SCNN1A: variants seen among roughly 807,000 people sequenced by gnomAD.
SCNN1A encodes sodium channel epithelial 1 subunit alpha, also known as epithelial sodium channel subunit alpha.
A neutral mutation model predicts 68.6 loss-of-function variants in SCNN1A; 65 were observed. The ratio of observed to expected loss-of-function variants is 0.95; its 90% CI spans 0.78 to 1.16. SCNN1A has a LOEUF of 1.16. Ranked by LOEUF, SCNN1A falls within the 50% of genes most tolerant of loss-of-function variation. SCNN1A has a pLI of 0.00. For missense variants in SCNN1A, 880 were observed against 865.9 expected (o/e 1.02, Z -0.20); for synonymous variants, 357 against 353.3 (o/e 1.01, Z -0.12).
Position 6,363,578 on chromosome 12 carries a change from A to C in SCNN1A, c.549T>G (p.Thr183=). 1 of 1,611,710 alleles carries C rather than the reference A, an allele frequency of 6.2e-7. No individual in the cohort carries two copies. Among genetic ancestry groups the C allele is most frequent in the African/African-American group, 1.3e-5 (1 of 74,982 alleles). Residue 183 remains threonine, a synonymous_variant, in exon 3 of 13, where the codon ACT becomes ACG. Coordinates refer to ENST00000228916, the MANE Select transcript of SCNN1A (RefSeq NM_001038.6). ...TCAGGCGCTGCAAGGGGTGCGGCAGAGTCCCCCGCAGGTCGCGACGGCTGC... is the reference window on the plus strand; with the variant it reads ...TCAGGCGCTGCAAGGGGTGCGGCAGCGTCCCCCGCAGGTCGCGACGGCTGC... ...GSRSRRDLRG[T]LPHPLQRLRV...
At chr12:6,349,508 C>T (rs1948334626) in intron 8 of SCNN1A, 103 bp from the exon 9 acceptor site, 1 of 778,582 alleles carries the variant, frequency 1.3e-6, no homozygotes, top group South Asian at 1.5e-5. Flanking sequence ...TTTACAAGAG[C>T]ATTATTTAGC....
intron 2 of SCNN1A, among the ~76,000 whole-genome samples, chr12:6,368,568 T>C (rs1164438686): frequency 5.3e-5 from 8 of 152,278 alleles, no homozygotes; most frequent in African/African-American, 1.9e-4. Flanking sequence ...TAACACAGTA[T>C]ACCGTTAGCC....
intron 4 of SCNN1A, among the ~76,000 whole-genome samples, chr12:6,357,501 G>A (rs572189517): frequency 1.3e-5 from 2 of 152,096 alleles, no homozygotes; most frequent in South Asian, 4.1e-4. Flanking sequence ...TTGAACTTGG[G>A]AGGTTGCAGT....
chr12:6,348,833 T>G (rs374041067), intron 11 of SCNN1A, 31 bp from the exon 12 acceptor site: 1 of 1,608,850 alleles, frequency 6.2e-7, no homozygotes, highest in South Asian at 1.1e-5. Flanking sequence ...TGGGAAGAAA[T>G]GGTAGAGGAT....
intron 3 of SCNN1A, 37 bp downstream of exon 3, chr12:6,363,406 A>AG: frequency 6.8e-7 from 1 of 1,478,720 alleles, no homozygotes; most frequent in Non-Finnish European, 9.0e-7. Context: ...GGGGCCGGCG[A>AG]GGGGCGGGGC....
chr12:6,375,091 C>A (rs1304482778), intron 1 of SCNN1A: 17 of 1,516,140 alleles, frequency 1.1e-5, no homozygotes, highest in Non-Finnish European at 1.3e-5. Context: ...TCCTCTGCTT[C>A]CCTGATAGGG....
chr12:6,347,713 C>G lies in SCNN1A; in HGVS notation c.*160G>C. On this transcript the variant is annotated 3_prime_UTR_variant, in exon 13 of 13. Transcript: ENST00000228916. ...GCTTCATCAGCTACTGTTCTTGGAG[C>G]AACTTCCTGAGCCCTTACCCATCTT... 2 of 674,490 alleles carry G rather than the reference C, an allele frequency of 3.0e-6. No individual in the cohort carries two copies. The highest frequency in any genetic ancestry group is 5.3e-6 in the Non-Finnish European group (2 of 378,324). The allele number at this position is 674,490 out of a possible 1,614,324, so 41.8% of individuals were successfully genotyped here.
At chr12:6,377,279 T>C, upstream of SCNN1A, 2 of 1,550,484 alleles carry the variant, frequency 1.3e-6, no homozygotes, top group Non-Finnish European at 1.7e-6. Context: ...TACCTCCCCT[T>C]GGAAGGGACA....
At position 6,363,670 on chromosome 12, in the gene SCNN1A, T is replaced by A. The variant is rs775335440; in HGVS notation, c.457A>T (p.Ile153Phe). 51 of 1,607,288 alleles carry A rather than the reference T, an allele frequency of 3.2e-5. No individual in the cohort carries two copies. The highest frequency in any genetic ancestry group is 4.2e-5 in the Non-Finnish European group (49 of 1,176,464). The change falls in exon 3 of 13, where the codon ATC (isoleucine) becomes TTC (phenylalanine). Residue 153 changes from isoleucine (I) to phenylalanine (F), a missense_variant. Around this residue, in one of 3 missense-constraint regions of SCNN1A, gnomAD observed 758 missense variants for 721.8 expected, o/e 1.05. Coordinates refer to ENST00000228916, the MANE Select transcript of SCNN1A (RefSeq NM_001038.6). ...IKEELEELDR[I>F]TEQTLFDLYK... is the part of the protein sequence containing the mutation. The stretch of plus-strand genomic sequence containing the variant: ...AGGTCAAAGAGCGTCTGCTCTGTGA[T>A]GCGGTCCAGCTCCTCCAGCTCCTCT...
chr12:6,350,214 C>A (rs539461217), intron 8 of SCNN1A, among the ~76,000 whole-genome samples: 1,657 of 148,922 alleles, frequency 0.011, 17 homozygotes, highest in Middle Eastern at 0.021. Context: ...GGGTGGATCA[C>A]GAGGTCAAGA....
At chr12:6,375,328 C>T in intron 1 of SCNN1A, 177 bp downstream of exon 1, 1 of 1,441,242 alleles carries the variant, frequency 6.9e-7, no homozygotes, top group Non-Finnish European at 9.1e-7. Context: ...ACTCTAGGCC[C>T]TCAGCTCCAG....
chr12:6,353,032 G>T (rs1450230794), intron 8 of SCNN1A, among the ~76,000 whole-genome samples: 3 of 152,202 alleles, frequency 2.0e-5, no homozygotes, highest in Non-Finnish European at 4.4e-5. Flanking sequence ...GGAAGAGCAT[G>T]AACTCCAGGA....
intron 2 of SCNN1A, among the ~76,000 whole-genome samples, chr12:6,371,669 C>CA (rs1376789052): frequency 6.6e-6 from 1 of 152,012 alleles, no homozygotes; most frequent in East Asian, 1.9e-4. Flanking sequence ...TCAGTTTCCT[C>CA]ATCCATAAAA....
At position 6,375,452 on chromosome 12, in the gene SCNN1A, G is replaced by A. The variant is rs72645134; in HGVS notation, c.-55+53C>T. The stretch of plus-strand genomic sequence containing the variant: ...CCACTCCCAGGTTGCGGCTGGACTG[G>A]GACTGGTTCCTTTCCAGTTGAATCT... On this transcript the variant is annotated intron_variant, in intron 1 of 12. Transcript: ENST00000228916. 3 of 1,535,274 alleles carry A rather than the reference G, an allele frequency of 2.0e-6. No homozygotes were observed. The African/African-American group carries it at 4.1e-5, about 21-fold the overall frequency.
At position 6,349,157 on chromosome 12, in the gene SCNN1A, A is replaced by ACTCT. The variant is rs1368346496; in HGVS notation, c.1497+3_1497+6dup. On this transcript the variant is annotated splice_region_variant and intron_variant, in intron 10 of 12. Coordinates refer to ENST00000228916, the MANE Select transcript of SCNN1A (RefSeq NM_001038.6). ...CATCCCCCACCCATCCCTTCCCCAC[A>ACTCT]CTCTACCTGGGATGTCACCGAGGGC... is the stretch of plus-strand genomic sequence containing the variant. 6.2e-7 allele frequency: 1 copy of ACTCT among 1,612,848 alleles called. No homozygotes were observed. Among genetic ancestry groups the ACTCT allele is most frequent in the South Asian group, 1.1e-5 (1 of 91,036 alleles).
At position 6,363,530 on chromosome 12, in the gene SCNN1A, C is replaced by T; in HGVS notation, c.597G>A (p.Gly199=). 6.2e-7 allele frequency: 1 copy of T among 1,609,796 alleles called. No homozygotes were observed. Among genetic ancestry groups the T allele is most frequent in the African/African-American group, 1.3e-5 (1 of 74,856 alleles). Residue 199 remains glycine (G), a synonymous_variant, in exon 3 of 13, where the codon GGG becomes GGA. Transcript: ENST00000228916. Reference sequence around the variant, plus strand: ...AGGCCACGCTACGGGCTCGACGGGCCCCGTGAGGCGGGGGCGGGACCCTCA... The same window carrying T: ...AGGCCACGCTACGGGCTCGACGGGCTCCGTGAGGCGGGGGCGGGACCCTCA... ...QRLRVPPPPH[G]ARRARSVASS...
At chr12:6,362,272 A>G (rs1470529564) in intron 3 of SCNN1A, 31 bp from the exon 4 acceptor site, 2 of 1,601,182 alleles carry the variant, frequency 1.2e-6, no homozygotes, top group Non-Finnish European at 1.7e-6. Flanking sequence ...CAGAGGGGAC[A>G]CGCAGCCGGG....
At chr12:6,363,913 G>A in intron 2 of SCNN1A, 1 of 470,068 alleles carries the variant, frequency 2.1e-6, no homozygotes. Context: ...GGAGGCCACG[G>A]CGAGCCCAGC....
rs1948318104 is a variant in SCNN1A, at chr12:6,348,943, G to A, written c.1553+7C>T. ...CTTCTTGTGGCTGGGACCAGGGCAG[G>A]ACTGACCTCTTGTTGTTGACGGTGT... On this transcript the variant is annotated splice_region_variant and intron_variant, in intron 11 of 12. Coordinates refer to ENST00000228916, the MANE Select transcript of SCNN1A (RefSeq NM_001038.6). 5 of 1,613,860 alleles carry A rather than the reference G, an allele frequency of 3.1e-6. 1 individual carries two copies. The South Asian group carries it at 3.3e-5, about 11-fold the overall frequency.
Sources: allele counts gnomAD v4.1 joint callset (sites outside exome capture counted in the v4.1 genomes callset), GRCh38; gene constraint gnomAD v4.1.1; regional missense constraint gnomAD v4.1.1; transcripts MANE v1.5; gene names NCBI Gene and HGNC (gene_info 2026-07-23, HGNC 2026-07-21).